Variants in TMEM232 observed in about 807,000 individuals in gnomAD.
The protein encoded by TMEM232 is transmembrane protein 232.
Under a neutral mutation model 78.8 loss-of-function variants are expected in TMEM232, and 80 were observed. That is an observed-to-expected ratio of 1.01 (90% CI 0.85 to 1.22). The LOEUF (loss-of-function observed/expected upper bound fraction) is 1.22. Ranked by LOEUF, TMEM232 falls within the 50% of genes most tolerant of loss-of-function variation. TMEM232 has a pLI of 0.00. For missense variants in TMEM232, 881 were observed against 742.2 expected (o/e 1.19, Z -2.17); for synonymous variants, 297 against 254.3 (o/e 1.17, Z -1.60).
intron 5 of TMEM232, chr5:110,629,045 G>A (rs866954555): frequency 2.6e-5 from 4 of 151,810 alleles, no homozygotes; most frequent in African/African-American, 9.7e-5. Context: ...ATGTTTATAA[G>A]GCAACAACTT....
At chr5:110,591,564 T>C (rs1260674163) in intron 10 of TMEM232, among the ~76,000 whole-genome samples, 2 of 152,174 alleles carry the variant, frequency 1.3e-5, no homozygotes, top group Admixed American at 6.5e-5. Flanking sequence ...TTACTGGGCC[T>C]TTACCATGCA....
chr5:110,586,589 CA>C (rs1778843580), intron 10 of TMEM232, among the ~76,000 whole-genome samples: 1 of 151,746 alleles, frequency 6.6e-6, no homozygotes, highest in Admixed American at 6.6e-5. Flanking sequence ...CACACACACA[CA>C]CACAATTACA....
chr5:110,520,646 ATGGTGGCTC>A (rs1414311917), intron 12 of TMEM232, among the ~76,000 whole-genome samples: 4 of 152,130 alleles, frequency 2.6e-5, no homozygotes, highest in Non-Finnish European at 5.9e-5. Flanking sequence ...TGGGCTGGGC[ATGGTGGCTC>A]ATGCCTGTAA....
chr5:110,691,361 G>A (rs945728782), intron 1 of TMEM232, among the ~76,000 whole-genome samples: 2 of 152,168 alleles, frequency 1.3e-5, no homozygotes, highest in Admixed American at 6.5e-5. Flanking sequence ...ACCATAGGAA[G>A]CCCTTTGTCT....
Sources: allele counts gnomAD v4.1 joint callset (sites outside exome capture counted in the v4.1 genomes callset), GRCh38; gene constraint gnomAD v4.1.1; transcripts MANE v1.5; gene names NCBI Gene and HGNC (gene_info 2026-07-23, HGNC 2026-07-21).